Variants in SCN8A observed in about 807,000 individuals in gnomAD.
SCN8A encodes the protein sodium voltage-gated channel alpha subunit 8.
SCN8A carries 30 observed loss-of-function variants against 184.1 expected under a neutral mutation model. The ratio of observed to expected loss-of-function variants is 0.16; its 90% CI spans 0.12 to 0.22. The LOEUF is 0.22. SCN8A is among the 10% of genes least tolerant of loss of function. The pLI is 1.00. For missense variants in SCN8A, 1,057 were observed against 2,498.9 expected, an observed-to-expected ratio of 0.42 and a Z score of 12.30; for synonymous variants, 852 against 907.0, an observed-to-expected ratio of 0.94 and a Z score of 1.09.
chr12:51,602,006 T>C (rs1939478007), intron 1 of SCN8A, among the ~76,000 whole-genome samples: 1 of 152,110 alleles, frequency 6.6e-6, no homozygotes, highest in Non-Finnish European at 1.5e-5. Context: ...TAGCTCCTTA[T>C]AGGCATTGCT....
At chr12:51,622,404 T>G (rs904285949) in intron 1 of SCN8A, among the ~76,000 whole-genome samples, 3 of 152,216 alleles carry the variant, frequency 2.0e-5, no homozygotes, top group Non-Finnish European at 4.4e-5. Context: ...TACATTGCAT[T>G]GTCATTATGT....
chr12:51,736,851 T>G (rs532299476), intron 12 of SCN8A, among the ~76,000 whole-genome samples: 1 of 152,330 alleles, frequency 6.6e-6, no homozygotes, highest in South Asian at 2.1e-4. Flanking sequence ...ATACCTCAAT[T>G]ACAGCTACAA....
chr12:51,635,956 G>C (rs1940306972), intron 1 of SCN8A, among the ~76,000 whole-genome samples: 2 of 152,108 alleles, frequency 1.3e-5, no homozygotes, highest in African/African-American at 4.8e-5. Flanking sequence ...CCTAATCACT[G>C]CCTTTCCCCA....
At chr12:51,747,290 A>G (rs1253883531) in intron 13 of SCN8A, among the ~76,000 whole-genome samples, 5 of 151,930 alleles carry the variant, frequency 3.3e-5, no homozygotes, top group Non-Finnish European at 7.4e-5. Context: ...TGCCTTAACA[A>G]CCTCTGTTTA....
chr12:51,777,371 C>T (rs1177277647), intron 20 of SCN8A, among the ~76,000 whole-genome samples: 1 of 152,162 alleles, frequency 6.6e-6, no homozygotes, highest in Non-Finnish European at 1.5e-5. Context: ...GCAGCCTTCT[C>T]ACCTCAGCCT....
At chr12:51,724,135 T>G (rs1942118717) in intron 12 of SCN8A, among the ~76,000 whole-genome samples, 1 of 152,178 alleles carries the variant, frequency 6.6e-6, no homozygotes, top group African/African-American at 2.4e-5. Context: ...GTATAAATCT[T>G]TCACTTTTTA....
intron 1 of SCN8A, among the ~76,000 whole-genome samples, chr12:51,624,192 C>A (rs1157476924): frequency 6.6e-6 from 1 of 152,212 alleles, no homozygotes; most frequent in Non-Finnish European, 1.5e-5. Context: ...GCCACACTGA[C>A]TTCCACAAGG....
Position 51,591,255 on chromosome 12 carries a change from C to T in SCN8A, c.-159C>T, listed in dbSNP as rs1374131990. The T allele has an allele frequency of 4.6e-5, 7 of 152,236 alleles. No homozygotes were observed. The highest frequency in any genetic ancestry group is 1.8e-4 in the South Asian group (1 of 5,406). The allele number at this position is 152,236 out of a possible 1,614,324, so 9.4% of individuals were successfully genotyped here. A position where few individuals can be genotyped will look rare whatever the true frequency, so the allele number is the denominator to read the frequency against. On this transcript the variant is annotated 5_prime_UTR_variant, in exon 1 of 27. Coordinates refer to ENST00000627620, the MANE Select transcript of SCN8A (RefSeq NM_001330260.2). ...CGCGGGGAGCGCTCCAAGATGGCGCCCACCGCAGTCCCGCCCGCCGCATCC... is the reference window on the plus strand; with the variant it reads ...CGCGGGGAGCGCTCCAAGATGGCGCTCACCGCAGTCCCGCCCGCCGCATCC...
chr12:51,799,296 C>T (rs1938492993), intron 26 of SCN8A, among the ~76,000 whole-genome samples: 3 of 152,258 alleles, frequency 2.0e-5, no homozygotes, highest in South Asian at 2.1e-4. Context: ...TTCCATTTGA[C>T]GATGGAATGC....
intron 11 of SCN8A, among the ~76,000 whole-genome samples, chr12:51,715,645 A>G (rs12580332): frequency 0.81 from 108,078 of 134,230 alleles, 44,542 homozygotes; most frequent in East Asian, 0.9. Flanking sequence ...GTGACAGAGC[A>G]AGTCTCTGTC....
At chr12:51,798,885 A>G (rs1938483571) in intron 26 of SCN8A, among the ~76,000 whole-genome samples, 1 of 152,184 alleles carries the variant, frequency 6.6e-6, no homozygotes, top group African/African-American at 2.4e-5. Flanking sequence ...CATCCAGCCA[A>G]ACCATTTGCT....
intron 1 of SCN8A, among the ~76,000 whole-genome samples, chr12:51,615,736 G>A (rs1939822271): frequency 6.6e-6 from 1 of 151,652 alleles, no homozygotes; most frequent in African/African-American, 2.4e-5. Context: ...ATTTTTTGTG[G>A]AGACAAGGTC....
chr12:51,727,393 A>G (rs1342707147), intron 12 of SCN8A, among the ~76,000 whole-genome samples: 2 of 151,952 alleles, frequency 1.3e-5, no homozygotes, highest in South Asian at 2.1e-4. Flanking sequence ...CAAAAAAACT[A>G]TACACCTCCA....
At chr12:51,607,474 G>A (rs987009692) in intron 1 of SCN8A, among the ~76,000 whole-genome samples, 1 of 152,114 alleles carries the variant, frequency 6.6e-6, no homozygotes, top group Non-Finnish European at 1.5e-5. Flanking sequence ...TTGAAGACAA[G>A]TGGTGAGAGT....
intron 2 of SCN8A, among the ~76,000 whole-genome samples, chr12:51,672,166 C>G (rs911116506): frequency 6.6e-6 from 1 of 152,158 alleles, no homozygotes; most frequent in African/African-American, 2.4e-5. Context: ...CACTTGACCT[C>G]CTGTCCCCAG....
chr12:51,612,486 T>C (rs1273178632), intron 1 of SCN8A, among the ~76,000 whole-genome samples: 1 of 152,226 alleles, frequency 6.6e-6, no homozygotes, highest in Non-Finnish European at 1.5e-5. Context: ...ACATTCATTT[T>C]ATCAGGTCGG....
chr12:51,625,686 T>C (rs969696528), intron 1 of SCN8A, among the ~76,000 whole-genome samples: 1 of 152,248 alleles, frequency 6.6e-6, no homozygotes, highest in African/African-American at 2.4e-5. Flanking sequence ...GCCAAAAATG[T>C]CAACTAATTA....
chr12:51,681,235 C>G (rs371330704), intron 2 of SCN8A, among the ~76,000 whole-genome samples: 29 of 152,258 alleles, frequency 1.9e-4, no homozygotes, highest in African/African-American at 7.0e-4. Context: ...TGCCACGTTG[C>G]CACTGAACTG....
chr12:51,743,586 C>G (rs1942460915), intron 12 of SCN8A, among the ~76,000 whole-genome samples: 1 of 152,292 alleles, frequency 6.6e-6, no homozygotes, highest in South Asian at 2.1e-4. Context: ...TGTAAGCACC[C>G]CTCTGGCCAT....
Sources: allele counts gnomAD v4.1 joint callset (sites outside exome capture counted in the v4.1 genomes callset), GRCh38; gene constraint gnomAD v4.1.1; transcripts MANE v1.5; gene names NCBI Gene and HGNC (gene_info 2026-07-23, HGNC 2026-07-21).